PPP3CC: variants seen among roughly 807,000 people sequenced by gnomAD.
The protein encoded by PPP3CC is protein phosphatase 3 catalytic subunit gamma.
Under a neutral mutation model 60.3 loss-of-function variants are expected in PPP3CC, and 35 were observed. The observed-to-expected ratio is 0.58, with a 90% CI of 0.44 to 0.77. The LOEUF (loss-of-function observed/expected upper bound fraction) is 0.77, where lower values mean the gene tolerates loss of function less well. Ranked by LOEUF, PPP3CC falls within the 30% of genes least tolerant of loss-of-function variation. The probability of loss-of-function intolerance (pLI) is 0.00; values close to 1 mark genes in which losing one functional copy is unlikely to be tolerated. For missense variants in PPP3CC, 570 were observed against 628.9 expected, an observed-to-expected ratio of 0.91 and a Z score of 1.00; for synonymous variants, 206 against 224.3, an observed-to-expected ratio of 0.92 and a Z score of 0.73.
At chr8:22,503,442 C>G (rs1024998896) in intron 4 of PPP3CC, among the ~76,000 whole-genome samples, 3 of 152,076 alleles carry the variant, frequency 2.0e-5, no homozygotes, top group Non-Finnish European at 4.4e-5. Flanking sequence ...AAGAAAGCTG[C>G]CTATGGCTGC....
chr8:22,520,037 G>T (rs1839363378), intron 6 of PPP3CC, among the ~76,000 whole-genome samples: 2 of 152,076 alleles, frequency 1.3e-5, no homozygotes, highest in African/African-American at 4.8e-5. Flanking sequence ...GTTTTTGTTT[G>T]TCTGGAAAAG....
At chr8:22,484,039 G>A (rs1032226083) in intron 3 of PPP3CC, among the ~76,000 whole-genome samples, 33 of 151,366 alleles carry the variant, frequency 2.2e-4, no homozygotes, top group Non-Finnish European at 8.8e-5. Context: ...TTAGAGTTGG[G>A]TCTCACTGTG....
Position 22,487,486 on chromosome 8 carries a change from G to A in PPP3CC, c.373-10515G>A, listed in dbSNP as rs13282433. Among the ~76,000 whole-genome samples the A allele has an allele frequency of 8.1e-3, 1,231 of 152,176 alleles. 8 individuals carry two copies. Among genetic ancestry groups the A allele is most frequent in the Non-Finnish European group, 0.013 (859 of 68,004 alleles). Reference sequence around the variant, plus strand: ...TAAAAATACAACAAATTAACCAGGCGTGGTGGCGTGTGCTTGTAGTCCCAG... The same window carrying A: ...TAAAAATACAACAAATTAACCAGGCATGGTGGCGTGTGCTTGTAGTCCCAG... On this transcript the variant is annotated intron_variant, in intron 3 of 13. Coordinates refer to ENST00000240139, the MANE Select transcript of PPP3CC (RefSeq NM_005605.5).
chr8:22,529,685 T>C (rs1026462447), intron 10 of PPP3CC, among the ~76,000 whole-genome samples: 4 of 152,138 alleles, frequency 2.6e-5, no homozygotes, highest in African/African-American at 9.7e-5. Context: ...GGTTTCGCCA[T>C]GTTGCCCAGG....
chr8:22,525,491 C>CT (rs1188701681), intron 8 of PPP3CC, among the ~76,000 whole-genome samples: 54 of 128,624 alleles, frequency 4.2e-4, no homozygotes, highest in Middle Eastern at 7.7e-3. Context: ...GCTTCCTTTT[C>CT]TTCTTTCTTT....
intron 3 of PPP3CC, among the ~76,000 whole-genome samples, chr8:22,491,012 C>G (rs1037919177): frequency 6.6e-6 from 1 of 152,184 alleles, no homozygotes; most frequent in East Asian, 1.9e-4. Flanking sequence ...ATACGTGCCT[C>G]TAGTTGATTG....
intron 12 of PPP3CC, among the ~76,000 whole-genome samples, chr8:22,537,251 A>G (rs973768565): frequency 6.6e-6 from 1 of 152,240 alleles, no homozygotes; most frequent in Non-Finnish European, 1.5e-5. Context: ...AAAAATGGGT[A>G]AAGAATTGAA....
intron 1 of PPP3CC, 27 bp from the exon 2 acceptor site, chr8:22,474,927 T>TA: frequency 7.4e-7 from 1 of 1,345,350 alleles, no homozygotes; most frequent in Non-Finnish European, 9.9e-7. Flanking sequence ...TTAAATATTT[T>TA]AAATTATTAT....
chr8:22,478,928 C>A (rs1324935276), intron 3 of PPP3CC, among the ~76,000 whole-genome samples: 1 of 152,186 alleles, frequency 6.6e-6, no homozygotes, highest in Non-Finnish European at 1.5e-5. Flanking sequence ...TGTTTGCTAA[C>A]TTAAAGGGTT....
intron 1 of PPP3CC, among the ~76,000 whole-genome samples, chr8:22,455,055 C>CAA (rs5890035): frequency 3.3e-4 from 30 of 91,272 alleles, no homozygotes; most frequent in African/African-American, 8.6e-4. Context: ...GACTCCATCT[C>CAA]AAAAAAAAAA....
chr8:22,524,458 G>A (rs556414709), intron 8 of PPP3CC, among the ~76,000 whole-genome samples: 1 of 152,088 alleles, frequency 6.6e-6, no homozygotes, highest in South Asian at 2.1e-4. Flanking sequence ...ATTTAACTTA[G>A]CATTCTTCTC....
chr8:22,461,275 G>C (rs1837355148), intron 1 of PPP3CC, among the ~76,000 whole-genome samples: 1 of 152,138 alleles, frequency 6.6e-6, no homozygotes, highest in Non-Finnish European at 1.5e-5. Context: ...TATAATAAAA[G>C]TTTGTTTACA....
intron 4 of PPP3CC, among the ~76,000 whole-genome samples, chr8:22,505,834 G>C (rs1274462032): frequency 6.6e-6 from 1 of 151,860 alleles, no homozygotes; most frequent in African/African-American, 2.4e-5. Flanking sequence ...TTTGAATTCA[G>C]TCTCAACTAT....
At chr8:22,531,873 A>G (rs1425022721) in intron 10 of PPP3CC, among the ~76,000 whole-genome samples, 1 of 152,194 alleles carries the variant, frequency 6.6e-6, no homozygotes, top group Non-Finnish European at 1.5e-5. Context: ...ATCAAAAGAC[A>G]TCTTTGCTGT....
At chr8:22,530,590 T>G (rs550770533) in intron 10 of PPP3CC, among the ~76,000 whole-genome samples, 3 of 151,512 alleles carry the variant, frequency 2.0e-5, no homozygotes, top group African/African-American at 7.3e-5. Context: ...CTCAGCACTT[T>G]GGGAGGCTGA....
chr8:22,534,520 C>T (rs189476932), intron 12 of PPP3CC, among the ~76,000 whole-genome samples: 10 of 152,228 alleles, frequency 6.6e-5, no homozygotes, highest in African/African-American at 1.4e-4. Flanking sequence ...TTGATTCAAG[C>T]GCTTTAGAAA....
chr8:22,513,414 G>T lies in PPP3CC; in HGVS notation c.752G>T (p.Gly251Val), dbSNP rs774565998. 1 of 1,605,732 alleles carries T rather than the reference G, an allele frequency of 6.2e-7. No homozygotes were observed. Among genetic ancestry groups the T allele is most frequent in the Non-Finnish European group, 8.5e-7 (1 of 1,177,348 alleles). Residue 251 changes from glycine (G) to valine (V), a missense_variant, in exon 6 of 14, where the codon GGG (glycine) becomes GTG (valine). Gly to Val is a moderately radical substitution (Grantham distance 109, BLOSUM62 -3). Transcript: ENST00000240139. ...CACTATACCCACAACACTGTCCGAG[G>T]GTGCTCTTATTTCTACAGGTAAGCT... ...LEHYTHNTVR[G>V]CSYFYSYPAV...
chr8:22,471,280 CT>C (rs557089522), intron 1 of PPP3CC, among the ~76,000 whole-genome samples: 2,747 of 128,608 alleles, frequency 0.021, 22 homozygotes, highest in South Asian at 0.058. Flanking sequence ...CTTGATCATT[CT>C]TTTTTTTTTT....
At chr8:22,462,084 T>G (rs937271987) in intron 1 of PPP3CC, among the ~76,000 whole-genome samples, 2 of 151,986 alleles carry the variant, frequency 1.3e-5, no homozygotes, top group Admixed American at 1.3e-4. Flanking sequence ...AAAATTTTTT[T>G]AAAATTAAAA....
Sources: gnomAD v4.1 joint callset for allele counts (sites outside exome capture counted in the v4.1 genomes callset) on GRCh38, gnomAD v4.1.1 for gene constraint, MANE v1.5 for transcripts, NCBI Gene and HGNC (gene_info 2026-07-23, HGNC 2026-07-21) for gene names.